DENND2B: variants seen among roughly 807,000 people sequenced by gnomAD.
DENND2B encodes the protein DENN domain containing 2B, also known as DENN domain-containing protein 2B.
Under a neutral mutation model 116.0 loss-of-function variants are expected in DENND2B, and 32 were observed. That is an observed-to-expected ratio of 0.28 (90% confidence interval 0.21 to 0.37). The LOEUF is 0.37. Among genes scored for constraint, DENND2B ranks in the 10% least tolerant of loss-of-function variants. The pLI, the probability that DENND2B is intolerant of heterozygous loss-of-function variation, is 1.00. For synonymous variants in DENND2B, 588 were observed against 583.9 expected, an observed-to-expected ratio of 1.01 and a Z score of -0.10; for missense variants, 1,276 against 1,477.7, an observed-to-expected ratio of 0.86 and a Z score of 2.24.
intron 1 of DENND2B, among the ~76,000 whole-genome samples, chr11:8,900,569 A>C (rs1171529288): frequency 6.6e-6 from 1 of 151,960 alleles, no homozygotes; most frequent in Non-Finnish European, 1.5e-5. Flanking sequence ...ATTGCAGTCC[A>C]GCCTGGGTGG....
chr11:8,910,210 C>CG (rs1321164029), intron 1 of DENND2B, among the ~76,000 whole-genome samples: 2 of 151,772 alleles, frequency 1.3e-5, no homozygotes, highest in East Asian at 2.0e-4. Context: ...CCCCCTGCCC[C>CG]GGGGGCCAGG....
At chr11:8,899,551 T>C (rs1288487186) in intron 1 of DENND2B, among the ~76,000 whole-genome samples, 1 of 152,010 alleles carries the variant, frequency 6.6e-6, no homozygotes, top group African/African-American at 2.4e-5. Context: ...ATCAAAGTGT[T>C]TAAAGGAAAA....
intron 8 of DENND2B, among the ~76,000 whole-genome samples, chr11:8,713,319 C>T (rs1326920650): frequency 6.6e-6 from 1 of 152,132 alleles, no homozygotes; most frequent in African/African-American, 2.4e-5. Flanking sequence ...CCTCAGTCTA[C>T]GGCACATTTC....
chr11:8,817,711 G>A (rs373488618), intron 4 of DENND2B, among the ~76,000 whole-genome samples: 21 of 152,130 alleles, frequency 1.4e-4, no homozygotes, highest in Admixed American at 4.6e-4. Flanking sequence ...ACAACCCTCC[G>A]TATAAAGCTC....
intron 2 of DENND2B, among the ~76,000 whole-genome samples, chr11:8,870,408 C>T (rs1707465623): frequency 6.6e-6 from 1 of 152,150 alleles, no homozygotes; most frequent in African/African-American, 2.4e-5. Flanking sequence ...AAAAAGTGAA[C>T]CATCCACAAA....
At position 8,712,665 on chromosome 11, in the gene DENND2B, C is replaced by G; in HGVS notation, c.2058G>C (p.Leu686=). 6.2e-7 allele frequency: 1 copy of G among 1,606,702 alleles called. No individual in the cohort carries two copies. The highest frequency in any genetic ancestry group is 2.2e-5 in the East Asian group (1 of 44,668). The change falls in exon 9 of 20, where the codon CTG becomes CTC. Residue 686 remains leucine, a synonymous_variant. Coordinates refer to ENST00000313726, the MANE Select transcript of DENND2B (RefSeq NM_213618.2). This position sits in a 1 kb window ranked among gnomAD's most constrained non-coding sequence, Gnocchi z 4.4. ...KRAPSYRTLE[L]ELLEWQEREL... is the part of the protein sequence containing the mutation. ...CCCGCTCCTGCCACTCCAGCAGCTC[C>G]AGCTCCAGCGTGCGATAGCTGGGGG...
intron 2 of DENND2B, among the ~76,000 whole-genome samples, chr11:8,734,817 A>T (rs1195238884): frequency 1.3e-5 from 2 of 149,012 alleles, no homozygotes; most frequent in African/African-American, 2.4e-5. Flanking sequence ...AAAAAGAAAG[A>T]TCACATATCT....
chr11:8,889,373 A>G (rs2063998495), intron 1 of DENND2B, among the ~76,000 whole-genome samples: 1 of 152,184 alleles, frequency 6.6e-6, no homozygotes, highest in Non-Finnish European at 1.5e-5. Context: ...GTTCATCTCA[A>G]TGGGGCTTGT....
intron 1 of DENND2B, among the ~76,000 whole-genome samples, chr11:8,892,120 A>G (rs1261956153): frequency 3.3e-5 from 5 of 152,244 alleles, no homozygotes; most frequent in Non-Finnish European, 7.3e-5. Flanking sequence ...TGGAAACTGA[A>G]CAACCTGCTC....
intron 4 of DENND2B, among the ~76,000 whole-genome samples, chr11:8,821,311 T>G (rs1316648874): frequency 6.6e-6 from 1 of 151,204 alleles, no homozygotes; most frequent in East Asian, 2.0e-4. Flanking sequence ...ATTTAAAAAT[T>G]AACTAGCTGG....
rs114156871 is a variant in DENND2B at position 8,843,692 on chromosome 11, C to T, written c.-155-4342G>A. On this transcript the variant is annotated intron_variant, in intron 3 of 6. Transcript: ENST00000524757. ...TACACAAATCCTGTCACAAATAATA[C>T]GCTGTCTGGCTGCCGTAAATCACCA... is the stretch of plus-strand genomic sequence containing the variant. Among the ~76,000 whole-genome samples the T allele has an allele frequency of 9.7e-3, 1,477 of 152,264 alleles. 24 individuals carry two copies. Among genetic ancestry groups the T allele is most frequent in the African/African-American group, 0.034 (1,408 of 41,556 alleles).
At chr11:8,878,914 G>A (rs1252240322) in intron 2 of DENND2B, among the ~76,000 whole-genome samples, 1 of 152,102 alleles carries the variant, frequency 6.6e-6, no homozygotes, top group Admixed American at 6.5e-5. Context: ...CTGCTTAGTG[G>A]GTATGGGAGC....
intron 2 of DENND2B, among the ~76,000 whole-genome samples, chr11:8,734,494 A>G (rs558358118): frequency 2.6e-5 from 4 of 152,300 alleles, no homozygotes; most frequent in African/African-American, 9.6e-5. Flanking sequence ...GTGTTGGAAG[A>G]TCACGTATCT....
rs937197828 is a variant in DENND2B at position 8,702,907 on chromosome 11, C to T, written c.2572-187G>A. 1.5e-5 allele frequency: 11 copies of T among 720,038 alleles called. No homozygotes were observed. Among genetic ancestry groups the T allele is most frequent in the South Asian group, 6.2e-5 (3 of 48,270 alleles). The allele number at this position is 720,038 out of a possible 1,614,324, so 44.6% of individuals were successfully genotyped here. On this transcript the variant is annotated intron_variant, in intron 13 of 19. Coordinates refer to ENST00000313726, the MANE Select transcript of DENND2B (RefSeq NM_213618.2). This position sits in a 1 kb window ranked among gnomAD's most constrained non-coding sequence, Gnocchi z 4.6. ...ACTACAGCTCTGCTCTCGTAGCACT[C>T]GAACACCCAGCCTGTGGGCAAGAGG... is the stretch of plus-strand genomic sequence containing the variant.
upstream of DENND2B, among the ~76,000 whole-genome samples, chr11:8,813,886 C>G (rs1253288243): frequency 6.6e-6 from 1 of 152,158 alleles, no homozygotes; most frequent in African/African-American, 2.4e-5. Context: ...TGTGTACACA[C>G]TCCTTGAACT....
At chr11:8,733,547 G>C (rs867773986) in intron 2 of DENND2B, among the ~76,000 whole-genome samples, 19 of 152,324 alleles carry the variant, frequency 1.2e-4, no homozygotes, top group Middle Eastern at 3.4e-3. Context: ...CACCTAATGA[G>C]ACTCACAATC....
At chr11:8,697,456 C>T in intron 17 of DENND2B, 69 bp downstream of exon 17, 3 of 1,268,748 alleles carry the variant, frequency 2.4e-6, no homozygotes, top group Non-Finnish European at 2.3e-6. Flanking sequence ...AGTTCTGGCC[C>T]TATGGGGCCC....
chr11:8,717,625 A>G (rs1395277535), intron 5 of DENND2B, 116 bp downstream of exon 5: 2 of 1,299,306 alleles, frequency 1.5e-6, no homozygotes, highest in South Asian at 1.9e-5. Flanking sequence ...TAGACCCTTT[A>G]TCAAGTACTA....
At position 8,717,873 on chromosome 11, in the gene DENND2B, A is replaced by G. The variant is rs2045229176; in HGVS notation, c.1497T>C (p.Asn499=). Residue 499 remains asparagine (N), a synonymous_variant, in exon 5 of 20, where the codon AAT becomes AAC. Transcript: ENST00000313726. ...TCTTTAAGTCCACATCCTCATATGGATTCTCCTTGGGCAGATCTCCTGCAG... is the reference window on the plus strand; with the variant it reads ...TCTTTAAGTCCACATCCTCATATGGGTTCTCCTTGGGCAGATCTCCTGCAG... ...EDIVGDLPKE[N]PYEDVDLKSR... 3 of 1,611,718 alleles carry G rather than the reference A, an allele frequency of 1.9e-6. No homozygotes were observed. The highest frequency in any genetic ancestry group is 2.5e-6 in the Non-Finnish European group (3 of 1,179,010).
Sources: gnomAD v4.1 joint callset for allele counts (sites outside exome capture counted in the v4.1 genomes callset) on GRCh38, gnomAD v4.1.1 for gene constraint, Gnocchi (gnomAD v3.1) non-coding constraint, MANE v1.5 for transcripts, NCBI Gene and HGNC (gene_info 2026-07-23, HGNC 2026-07-21) for gene names.